Variants in BMP5 observed in about 807,000 individuals in gnomAD.
The protein encoded by BMP5 is bone morphogenetic protein 5.
Under a neutral mutation model 46.6 loss-of-function variants are expected in BMP5, and 23 were observed. The observed-to-expected ratio is 0.49, with a 90% CI of 0.35 to 0.70. The LOEUF is 0.70. BMP5 is among the 30% of genes least tolerant of loss of function. BMP5 has a pLI of 0.00. For synonymous variants in BMP5, 204 were observed against 191.9 expected (o/e 1.06, Z -0.52); for missense variants, 545 against 565.6 (o/e 0.96, Z 0.37).
chr6:55,766,083 T>A (rs1047305674), intron 4 of BMP5, among the ~76,000 whole-genome samples: 1 of 152,146 alleles, frequency 6.6e-6, no homozygotes, highest in Non-Finnish European at 1.5e-5. Flanking sequence ...TCTGATCCTA[T>A]ATTAAATGGA....
chr6:55,874,770 A>G lies in BMP5; in HGVS notation c.96T>C (p.Asn32=), dbSNP rs1384934971. ...VGYAKGGLGD[N]HVHSSFIYRR... ...TATAAATAAAACTGGAGTGAACATG[A>G]TTGTCTCCCAAACCTCCTTTTGCAT... The change falls in exon 1 of 7, where the codon AAT becomes AAC. Residue 32 remains asparagine, a synonymous_variant. Transcript: ENST00000370830. 3 of 1,613,468 alleles carry G rather than the reference A, an allele frequency of 1.9e-6. No homozygotes were observed. The highest frequency in any genetic ancestry group is 2.5e-6 in the Non-Finnish European group (3 of 1,179,652).
chr6:55,823,319 C>T (rs574143986), intron 1 of BMP5, among the ~76,000 whole-genome samples: 2 of 152,152 alleles, frequency 1.3e-5, no homozygotes, highest in African/African-American at 2.4e-5. Context: ...TAGCATCTAA[C>T]ACATCACAAT....
At chr6:55,763,617 T>A (rs1774838602) in intron 4 of BMP5, among the ~76,000 whole-genome samples, 1 of 152,180 alleles carries the variant, frequency 6.6e-6, no homozygotes, top group South Asian at 2.1e-4. Context: ...AGGAGATTAG[T>A]ATGAAATGGA....
At chr6:55,817,753 TAATAAAATAA>T in intron 2 of BMP5, among the ~76,000 whole-genome samples, 1 of 151,774 alleles carries the variant, frequency 6.6e-6, no homozygotes, top group African/African-American at 2.4e-5. Context: ...AGTATAATAA[TAATAAAATAA>T]AATAAAATAA....
intron 1 of BMP5, among the ~76,000 whole-genome samples, chr6:55,843,460 G>GT (rs916104604): frequency 4.0e-4 from 61 of 151,794 alleles, no homozygotes; most frequent in South Asian, 1.0e-3. Context: ...ACTTATTGTA[G>GT]TTTTTTTTCC....
intron 1 of BMP5, among the ~76,000 whole-genome samples, chr6:55,865,073 C>T (rs938049784): frequency 3.3e-5 from 5 of 151,970 alleles, no homozygotes; most frequent in Non-Finnish European, 7.4e-5. Context: ...ACTGAAAGCT[C>T]CAGGATTGAA....
intron 2 of BMP5, among the ~76,000 whole-genome samples, chr6:55,810,637 C>G (rs1289253755): frequency 6.6e-6 from 1 of 152,162 alleles, no homozygotes; most frequent in African/African-American, 2.4e-5. Context: ...TCTTATGAGT[C>G]TTATGATCCA....
intron 3 of BMP5, among the ~76,000 whole-genome samples, chr6:55,781,929 A>G (rs1387117368): frequency 1.3e-5 from 2 of 152,076 alleles, no homozygotes; most frequent in African/African-American, 2.4e-5. Context: ...ACATGAACCT[A>G]TCAAATGATC....
At chr6:55,778,223 G>A (rs570726701) in intron 3 of BMP5, among the ~76,000 whole-genome samples, 92 of 151,990 alleles carry the variant, frequency 6.1e-4, no homozygotes, top group Admixed American at 1.2e-3. Flanking sequence ...AAAGAGGGTA[G>A]GGATGTGATC....
rs1479668744 is a variant in BMP5 at position 55,875,017 on chromosome 6, C to T, written c.-152G>A. On this transcript the variant is annotated 5_prime_UTR_variant, in exon 1 of 7. Transcript: ENST00000370830. ...CAGTGACATTTCTGAGCACAACATC[C>T]TCACCGATTTTCCTGTCCTATTTTA... 2 of 822,254 alleles carry T rather than the reference C, an allele frequency of 2.4e-6. No individual in the cohort carries two copies. The highest frequency in any genetic ancestry group is 1.9e-6 in the Non-Finnish European group (1 of 525,238). The allele number at this position is 822,254 out of a possible 1,614,324, so 50.9% of individuals were successfully genotyped here.
intron 1 of BMP5, among the ~76,000 whole-genome samples, chr6:55,837,369 A>AGATAGAT (rs1554184998): frequency 6.7e-6 from 1 of 148,972 alleles, no homozygotes; most frequent in Non-Finnish European, 1.5e-5. Flanking sequence ...ATAGATAGAT[A>AGATAGAT]GATAGATAGA....
At chr6:55,790,953 G>A (rs1271956089) in intron 3 of BMP5, among the ~76,000 whole-genome samples, 1 of 152,124 alleles carries the variant, frequency 6.6e-6, no homozygotes, top group Non-Finnish European at 1.5e-5. Flanking sequence ...ATATGCTTTT[G>A]TAACCCGCTA....
chr6:55,825,781 T>C (rs1018520121), intron 1 of BMP5, among the ~76,000 whole-genome samples: 1 of 151,848 alleles, frequency 6.6e-6, no homozygotes, highest in Non-Finnish European at 1.5e-5. Flanking sequence ...TTTAAGGAGA[T>C]GCATTCATGG....
In BMP5 at chr6:55,754,915, T is replaced by A. The variant is rs920702856; in HGVS notation, c.*618A>T. 97 of 152,272 alleles carry A rather than the reference T, an allele frequency of 6.4e-4. No individual in the cohort carries two copies. The highest frequency in any genetic ancestry group is 2.2e-3 in the African/African-American group (93 of 41,558). The allele number at this position is 152,272 out of a possible 1,614,324, so 9.4% of individuals were successfully genotyped here. On this transcript the variant is annotated 3_prime_UTR_variant, in exon 7 of 7. Transcript: ENST00000370830. Reference sequence around the variant, plus strand: ...GCCAAAAAGGAACATGCTCCTACAGTTACACCACTTCTGTTAAAGCAAACA... The same window carrying A: ...GCCAAAAAGGAACATGCTCCTACAGATACACCACTTCTGTTAAAGCAAACA...
chr6:55,850,853 C>A (rs1289124629), intron 1 of BMP5, among the ~76,000 whole-genome samples: 1 of 152,166 alleles, frequency 6.6e-6, no homozygotes, highest in Non-Finnish European at 1.5e-5. Flanking sequence ...CTCCAAACCT[C>A]AATTTCCTCA....
At chr6:55,829,539 A>G (rs1423310523) in intron 1 of BMP5, among the ~76,000 whole-genome samples, 1 of 151,838 alleles carries the variant, frequency 6.6e-6, no homozygotes, top group East Asian at 1.9e-4. Context: ...GGAAATTCAA[A>G]TAAATAGTGA....
At chr6:55,763,418 T>C (rs905229425) in intron 4 of BMP5, among the ~76,000 whole-genome samples, 1 of 152,150 alleles carries the variant, frequency 6.6e-6, no homozygotes, top group Non-Finnish European at 1.5e-5. Context: ...TCTGATTTCA[T>C]AGAGCATTAG....
chr6:55,779,102 A>G (rs1775246465), intron 3 of BMP5, among the ~76,000 whole-genome samples: 1 of 152,110 alleles, frequency 6.6e-6, no homozygotes, highest in South Asian at 2.1e-4. Flanking sequence ...AGATTCTGAC[A>G]TAAAACAGCT....
At chr6:55,776,972 T>A (rs1487622590) in intron 3 of BMP5, among the ~76,000 whole-genome samples, 2 of 151,978 alleles carry the variant, frequency 1.3e-5, no homozygotes, top group East Asian at 1.9e-4. Flanking sequence ...GGATATTGTA[T>A]TTGAAGCAAA....
Sources: gnomAD v4.1 joint callset for allele counts (sites outside exome capture counted in the v4.1 genomes callset) on GRCh38, gnomAD v4.1.1 for gene constraint, MANE v1.5 for transcripts, NCBI Gene and HGNC (gene_info 2026-07-23, HGNC 2026-07-21) for gene names.